AMBRA1: variants seen among roughly 807,000 people sequenced by gnomAD.
AMBRA1 encodes the protein autophagy and beclin 1 regulator 1.
Under a neutral mutation model 125.4 loss-of-function variants are expected in AMBRA1, and 47 were observed. The observed-to-expected ratio is 0.37, with a 90% confidence interval of 0.30 to 0.48. The LOEUF (loss-of-function observed/expected upper bound fraction) is 0.48, where lower values mean the gene tolerates loss of function less well. AMBRA1 is among the 20% of genes least tolerant of loss of function. The probability of loss-of-function intolerance (pLI) is 0.99; values close to 1 mark genes in which losing one functional copy is unlikely to be tolerated. For synonymous variants in AMBRA1, 626 were observed against 655.5 expected, an observed-to-expected ratio of 0.95 and a Z score of 0.69; for missense variants, 1,331 against 1,693.4, an observed-to-expected ratio of 0.79 and a Z score of 3.76.
intron 1 of AMBRA1, among the ~76,000 whole-genome samples, chr11:46,565,697 T>C (rs1256673104): frequency 1.3e-5 from 2 of 151,818 alleles, no homozygotes; most frequent in Non-Finnish European, 2.9e-5. Context: ...CAGAGCCAGA[T>C]CATGTCTCAA....
At chr11:46,555,032 G>A (rs781075974) in intron 1 of AMBRA1, among the ~76,000 whole-genome samples, 13 of 151,942 alleles carry the variant, frequency 8.6e-5, no homozygotes, top group Admixed American at 1.3e-4. Flanking sequence ...TGATTGCACC[G>A]CTGCACTCTT....
intron 1 of AMBRA1, among the ~76,000 whole-genome samples, chr11:46,581,222 C>T (rs937273475): frequency 6.6e-6 from 1 of 152,064 alleles, no homozygotes; most frequent in African/African-American, 2.4e-5. Context: ...CCTGTAATCC[C>T]GGGACTTTGG....
At chr11:46,461,446 G>A (rs1252317147) in intron 11 of AMBRA1, among the ~76,000 whole-genome samples, 1 of 152,162 alleles carries the variant, frequency 6.6e-6, no homozygotes, top group African/African-American at 2.4e-5. Flanking sequence ...ACAATAGGAA[G>A]GAAGGAAGCA....
intron 11 of AMBRA1, among the ~76,000 whole-genome samples, chr11:46,479,372 C>T (rs1412905809): frequency 6.6e-6 from 1 of 152,142 alleles, no homozygotes; most frequent in Non-Finnish European, 1.5e-5. Flanking sequence ...CTTACCCAAA[C>T]AGCTTGCTTT....
Position 46,548,497 on chromosome 11 carries a change from A to G in AMBRA1, c.-117T>C. On this transcript the variant is annotated 5_prime_UTR_variant, in exon 2 of 18. Coordinates refer to ENST00000683756, the MANE Select transcript of AMBRA1 (RefSeq NM_001387011.1). ...AGGTCCTTGTAAGTTGTCCTCATGGAAATCTTAAGGAACAAAGAATAATGT... is the reference window on the plus strand; with the variant it reads ...AGGTCCTTGTAAGTTGTCCTCATGGGAATCTTAAGGAACAAAGAATAATGT... The G allele has an allele frequency of 7.7e-7, 1 of 1,294,534 alleles. No individual in the cohort carries two copies. Among genetic ancestry groups the G allele is most frequent in the Non-Finnish European group, 1.0e-6 (1 of 953,764 alleles). 80.2% of individuals were successfully genotyped at this position (1,294,534 alleles called of 1,614,324 possible). A position where few individuals can be genotyped will look rare whatever the true frequency, so the allele number is the denominator to read the frequency against.
chr11:46,400,813 T>G (rs1945717001), intron 17 of AMBRA1, among the ~76,000 whole-genome samples: 1 of 152,054 alleles, frequency 6.6e-6, no homozygotes, highest in Non-Finnish European at 1.5e-5. Flanking sequence ...TTCCTCAGCA[T>G]TATGTCCTCT....
chr11:46,418,323 T>TAA (rs1314013668), intron 14 of AMBRA1, among the ~76,000 whole-genome samples: 11 of 3,374 alleles, frequency 3.3e-3, no homozygotes, highest in African/African-American at 5.2e-3. Context: ...ATTATTTATA[T>TAA]ATAAATATGT....
intron 1 of AMBRA1, among the ~76,000 whole-genome samples, chr11:46,576,611 T>G (rs2043969309): frequency 6.6e-6 from 1 of 152,208 alleles, no homozygotes; most frequent in Admixed American, 6.5e-5. Flanking sequence ...TATCTTGTAG[T>G]CAGGAAGTTC....
chr11:46,518,545 CTG>C, intron 7 of AMBRA1: 1 of 152,188 alleles, frequency 6.6e-6, no homozygotes, highest in Admixed American at 6.6e-5. Context: ...CCCAGGTCAG[CTG>C]TCTTCTTTTG....
chr11:46,582,412 G>C (rs2044207515), intron 1 of AMBRA1, among the ~76,000 whole-genome samples: 1 of 151,998 alleles, frequency 6.6e-6, no homozygotes, highest in South Asian at 2.1e-4. Context: ...TCTGTCATAG[G>C]TTTGGCACAC....
intron 17 of AMBRA1, among the ~76,000 whole-genome samples, chr11:46,404,597 GAGCATGCAGGGATGCAGGCAGGCAGAAGC>G (rs1206783164): frequency 1.2e-4 from 19 of 152,334 alleles, no homozygotes; most frequent in African/African-American, 3.8e-4. Context: ...GGTATACGCA[GAGCATGCAGGGATGCAGGCAGGCAGAAGC>G]AGCCAGCTGC....
At chr11:46,462,400 C>A (rs992495387) in intron 11 of AMBRA1, among the ~76,000 whole-genome samples, 21 of 152,208 alleles carry the variant, frequency 1.4e-4, no homozygotes, top group African/African-American at 4.8e-4. Flanking sequence ...TTCCTCTTTA[C>A]TCTCCTCACG....
At chr11:46,538,713 G>T (rs1240316107) in intron 7 of AMBRA1, among the ~76,000 whole-genome samples, 3 of 152,070 alleles carry the variant, frequency 2.0e-5, no homozygotes, top group African/African-American at 7.2e-5. Context: ...AGCCAGGCTG[G>T]TCTCGAACTC....
intron 11 of AMBRA1, among the ~76,000 whole-genome samples, chr11:46,483,195 G>C (rs1261779601): frequency 1.3e-5 from 2 of 152,034 alleles, no homozygotes; most frequent in Non-Finnish European, 1.5e-5. Context: ...TATAACATGA[G>C]AGACTATCTT....
chr11:46,592,099 C>T (rs1216132096), intron 1 of AMBRA1, among the ~76,000 whole-genome samples: 1 of 151,778 alleles, frequency 6.6e-6, no homozygotes, highest in African/African-American at 2.4e-5. Flanking sequence ...GCATGCGCCA[C>T]CACGCCCGGC....
chr11:46,552,502 TGG>T (rs1378079253), intron 1 of AMBRA1, among the ~76,000 whole-genome samples: 1 of 143,926 alleles, frequency 6.9e-6, no homozygotes, highest in African/African-American at 2.6e-5. Flanking sequence ...CTGGCCAACA[TGG>T]TGAAACCCCG....
intron 11 of AMBRA1, among the ~76,000 whole-genome samples, chr11:46,467,560 T>G (rs1257339851): frequency 2.6e-5 from 4 of 151,416 alleles, no homozygotes; most frequent in Non-Finnish European, 4.4e-5. Context: ...TTTTTTTTTT[T>G]TTTTTTGGGA....
At chr11:46,509,985 C>G (rs1951198391) in intron 8 of AMBRA1, among the ~76,000 whole-genome samples, 1 of 152,130 alleles carries the variant, frequency 6.6e-6, no homozygotes, top group Non-Finnish European at 1.5e-5. Context: ...ACCCAGGTCA[C>G]AGTCAACTGC....
Position 46,542,892 on chromosome 11 carries a change from C to G in AMBRA1, c.1125G>C (p.Gln375His). 6.2e-7 allele frequency: 1 copy of G among 1,612,754 alleles called. No homozygotes were observed. The highest frequency in any genetic ancestry group is 8.5e-7 in the Non-Finnish European group (1 of 1,179,944). ...LNRPSAFSTV[Q>H]SSTAGNTLRN... ...GGAGCGTGTTGCCGGCAGTGCTGCT[C>G]TGGACTGTACTGAAGGCAGACGGCC... The change falls in exon 7 of 18, where the codon CAG (glutamine) becomes CAC (histidine). Residue 375 changes from glutamine (Q) to histidine (H), a missense_variant. This residue lies in a region of AMBRA1 where 689 missense variants were observed against 776.5 expected (regional missense o/e 0.89). Transcript: ENST00000683756. This position sits in a 1 kb window ranked among gnomAD's most constrained non-coding sequence, Gnocchi z 5.9.
Sources: allele counts gnomAD v4.1 joint callset (sites outside exome capture counted in the v4.1 genomes callset), GRCh38; gene constraint gnomAD v4.1.1; regional missense constraint gnomAD v4.1.1; non-coding constraint Gnocchi (gnomAD v3.1); transcripts MANE v1.5; gene names NCBI Gene and HGNC (gene_info 2026-07-23, HGNC 2026-07-21).